IRAG2: variants seen among roughly 807,000 people sequenced by gnomAD.
The protein encoded by IRAG2 is inositol 1,4,5-triphosphate receptor associated 2, also known as lymphoid restricted membrane protein.
In IRAG2, 45 loss-of-function variants were observed where a neutral mutation model predicts 69.9. The ratio of observed to expected loss-of-function variants is 0.64; its 90% CI spans 0.51 to 0.83. The LOEUF is 0.83. Among genes scored for constraint, IRAG2 ranks in the 40% least tolerant of loss-of-function variants. The pLI, the probability that IRAG2 is intolerant of heterozygous loss-of-function variation, is 0.00. For missense variants in IRAG2, 520 were observed against 587.0 expected (o/e 0.89, Z 1.18); for synonymous variants, 193 against 202.4 (o/e 0.95, Z 0.40).
intron 3 of IRAG2, among the ~76,000 whole-genome samples, chr12:25,013,938 A>C (rs1055618536): frequency 7.9e-6 from 1 of 125,962 alleles, no homozygotes; most frequent in Non-Finnish European, 1.6e-5. Flanking sequence ...GCAGTGGCGC[A>C]ATCTCGGCTC....
chr12:25,044,101 C>T (rs1944772278), intron 16 of IRAG2, among the ~76,000 whole-genome samples: 1 of 151,778 alleles, frequency 6.6e-6, no homozygotes, highest in Non-Finnish European at 1.5e-5. Context: ...GTTTATGATA[C>T]ATAACTAAAA....
upstream of IRAG2, among the ~76,000 whole-genome samples, chr12:25,047,425 G>A (rs1944803529): frequency 8.2e-6 from 1 of 122,260 alleles, no homozygotes; most frequent in African/African-American, 2.8e-5. Flanking sequence ...AACTGATAAG[G>A]GGTTAATTTT....
intron 16 of IRAG2, 79 bp downstream of exon 16, chr12:25,101,404 C>A: frequency 2.1e-6 from 2 of 966,136 alleles, no homozygotes; most frequent in Non-Finnish European, 2.9e-6. Flanking sequence ...ATTATTACTT[C>A]AGTATAATAA....
chr12:25,101,356 T>C (rs774583902), intron 16 of IRAG2, 31 bp downstream of exon 16: 1 of 1,488,596 alleles, frequency 6.7e-7, no homozygotes, highest in African/African-American at 1.4e-5. Context: ...TAGTATTAGT[T>C]GTGTTTTTCT....
In IRAG2 at chr12:25,101,263, T is replaced by C; in HGVS notation, c.827T>C (p.Leu276Ser). 2 of 1,612,530 alleles carry C rather than the reference T, an allele frequency of 1.2e-6. No individual in the cohort carries two copies. Among genetic ancestry groups the C allele is most frequent in the Non-Finnish European group, 1.7e-6 (2 of 1,178,956 alleles). The change falls in exon 16 of 22, where the codon TTA (leucine) becomes TCA (serine). Residue 276 changes from leucine (L) to serine (S), a missense_variant. Coordinates refer to ENST00000556887, the MANE Select transcript of IRAG2 (RefSeq NM_001366544.2). Reference sequence around the variant, plus strand: ...ATGTATGCCAAAGAGCACGCTGAATTAGAAGAACTGAAACAGGTTCTTCTG... The same window carrying C: ...ATGTATGCCAAAGAGCACGCTGAATCAGAAGAACTGAAACAGGTTCTTCTG... ...KRMYAKEHAE[L>S]EELKQVLLQN...
intron 3 of IRAG2, 119 bp from the exon 4 acceptor site, chr12:25,063,601 C>T: frequency 2.5e-6 from 1 of 396,992 alleles, no homozygotes; most frequent in Non-Finnish European, 4.4e-6. Context: ...TTCTTGATCT[C>T]TCTCACAGGG....
chr12:25,090,508 G>A (rs1165364457), intron 14 of IRAG2, among the ~76,000 whole-genome samples: 2 of 152,096 alleles, frequency 1.3e-5, no homozygotes, highest in Non-Finnish European at 2.9e-5. Flanking sequence ...TCACACCATT[G>A]CATACCAGCT....
At chr12:25,080,895 A>T (rs144198242) in intron 9 of IRAG2, among the ~76,000 whole-genome samples, 2 of 152,336 alleles carry the variant, frequency 1.3e-5, no homozygotes, top group East Asian at 3.9e-4. Context: ...TAAAGTTGTA[A>T]GAACAAAAGA....
intron 6 of IRAG2, among the ~76,000 whole-genome samples, chr12:25,019,310 C>T (rs1205785529): frequency 6.6e-6 from 1 of 152,162 alleles, no homozygotes; most frequent in Non-Finnish European, 1.5e-5. Context: ...CTCTTGGTAC[C>T]CAGGTTCTTG....
chr12:25,004,672 T>C (rs1484116085), exon 1 of IRAG2: 5 of 1,231,932 alleles, frequency 4.1e-6, no homozygotes, highest in Non-Finnish European at 5.1e-6. Flanking sequence ...TGCAACATAC[T>C]CTGTTATTCT....
intron 6 of IRAG2, among the ~76,000 whole-genome samples, chr12:25,078,910 A>C (rs781567165): frequency 1.3e-5 from 2 of 152,252 alleles, no homozygotes; most frequent in Non-Finnish European, 2.9e-5. Context: ...ATGCCCTTGT[A>C]GAATTTTCTG....
intron 7 of IRAG2, among the ~76,000 whole-genome samples, chr12:25,021,269 C>T (rs961251566): frequency 2.0e-5 from 3 of 151,652 alleles, no homozygotes; most frequent in African/African-American, 7.3e-5. Flanking sequence ...TGTGCTTGGC[C>T]TCCTTTTCAA....
At chr12:25,005,302 T>C in exon 2 of IRAG2, 1 of 1,231,476 alleles carries the variant, frequency 8.1e-7, no homozygotes, top group Non-Finnish European at 1.0e-6. Context: ...ACAGGGCCTG[T>C]AAAGAAGAGG....
At chr12:25,061,226 A>C (rs568594003) in intron 1 of IRAG2, among the ~76,000 whole-genome samples, 9 of 152,322 alleles carry the variant, frequency 5.9e-5, no homozygotes, top group Admixed American at 3.9e-4. Flanking sequence ...TAAAGGAGAC[A>C]AGGTTAAATA....
chr12:25,023,432 G>T (rs1445176822), intron 7 of IRAG2, among the ~76,000 whole-genome samples: 2 of 151,836 alleles, frequency 1.3e-5, no homozygotes, highest in Non-Finnish European at 2.9e-5. Flanking sequence ...TTCTGAATTT[G>T]AGGCTGTTAA....
chr12:25,004,246 C>A, upstream of IRAG2: 1 of 916,450 alleles, frequency 1.1e-6, no homozygotes, highest in Non-Finnish European at 1.4e-6. Context: ...TTGCCTATTG[C>A]TAAATTATTG....
chr12:24,999,939 T>A (rs1366444495), upstream of IRAG2, among the ~76,000 whole-genome samples: 2 of 152,194 alleles, frequency 1.3e-5, no homozygotes, highest in African/African-American at 4.8e-5. Flanking sequence ...AAAAAATTAG[T>A]CATTGTTTAT....
At chr12:25,083,389 C>G (rs370443500) in intron 9 of IRAG2, 34 bp from the exon 10 acceptor site, 132 of 1,430,746 alleles carry the variant, frequency 9.2e-5, no homozygotes, top group Non-Finnish European at 1.2e-4. Context: ...CTCCTGCCCC[C>G]CTAACTGCTT....
chr12:25,076,519 A>G (rs1946699698), intron 6 of IRAG2: 1 of 984,932 alleles, frequency 1.0e-6, no homozygotes, highest in Non-Finnish European at 1.2e-6. Flanking sequence ...CTTTTTTTGA[A>G]AAGGTTTGCA....
Sources: allele counts gnomAD v4.1 joint callset (sites outside exome capture counted in the v4.1 genomes callset), GRCh38; gene constraint gnomAD v4.1.1; transcripts MANE v1.5; gene names NCBI Gene and HGNC (gene_info 2026-07-23, HGNC 2026-07-21).